Variants in FHIT observed in about 807,000 individuals in gnomAD.
The protein encoded by FHIT is bis(5'-adenosyl)-triphosphatase.
Under a neutral mutation model 17.9 loss-of-function variants are expected in FHIT, and 19 were observed. The observed-to-expected ratio is 1.06, with a 90% CI of 0.74 to 1.56. The LOEUF (loss-of-function observed/expected upper bound fraction) is 1.56, where lower values mean the gene tolerates loss of function less well. FHIT is among the 40% of genes most tolerant of loss of function. The pLI, the probability that FHIT is intolerant of heterozygous loss-of-function variation, is 0.00. For missense variants in FHIT, 248 were observed against 189.2 expected (o/e 1.31, Z -1.82); for synonymous variants, 81 against 69.7 (o/e 1.16, Z -0.81).
intron 5 of FHIT, among the ~76,000 whole-genome samples, chr3:60,143,556 C>T (rs1427109946): frequency 6.6e-6 from 1 of 152,028 alleles, no homozygotes; most frequent in African/African-American, 2.4e-5. Context: ...CACTAAGACA[C>T]AAGCAAAAAT....
chr3:61,161,904 G>A (rs1386374716), intron 2 of FHIT, among the ~76,000 whole-genome samples: 2 of 152,164 alleles, frequency 1.3e-5, no homozygotes, highest in Non-Finnish European at 2.9e-5. Flanking sequence ...ATACGACCCT[G>A]ATATGGAAAA....
intron 3 of FHIT, among the ~76,000 whole-genome samples, chr3:60,964,791 A>G (rs1460593161): frequency 6.6e-6 from 1 of 152,194 alleles, no homozygotes; most frequent in Non-Finnish European, 1.5e-5. Context: ...AGTTTCTGCC[A>G]AGAGATCTGT....
intron 5 of FHIT, among the ~76,000 whole-genome samples, chr3:60,140,900 A>G (rs1224433725): frequency 6.6e-6 from 1 of 152,098 alleles, no homozygotes; most frequent in Non-Finnish European, 1.5e-5. Context: ...GACTCTTAAC[A>G]ACACTGAGTA....
At chr3:61,125,135 G>T (rs1384125944) in intron 2 of FHIT, among the ~76,000 whole-genome samples, 1 of 152,146 alleles carries the variant, frequency 6.6e-6, no homozygotes, top group African/African-American at 2.4e-5. Flanking sequence ...TGAAAAAAAT[G>T]ATTCACGGAA....
intron 7 of FHIT, among the ~76,000 whole-genome samples, chr3:59,947,802 A>T (rs1003175792): frequency 3.9e-5 from 6 of 152,206 alleles, no homozygotes; most frequent in African/African-American, 1.4e-4. Context: ...TGGCAGCAGG[A>T]TCCATGCTTA....
intron 5 of FHIT, among the ~76,000 whole-genome samples, chr3:60,247,439 T>C (rs1233089100): frequency 6.6e-6 from 1 of 151,808 alleles, no homozygotes; most frequent in African/African-American, 2.4e-5. Context: ...AAGATGAAGA[T>C]GAAGATGAAG....
intron 5 of FHIT, among the ~76,000 whole-genome samples, chr3:60,104,999 G>T (rs995511946): frequency 1.3e-5 from 2 of 152,132 alleles, no homozygotes; most frequent in African/African-American, 4.8e-5. Flanking sequence ...CAACAATAAT[G>T]GAGCTCAATT....
chr3:60,983,427 C>A (rs1447601089), intron 3 of FHIT, among the ~76,000 whole-genome samples: 2 of 152,082 alleles, frequency 1.3e-5, no homozygotes, highest in African/African-American at 4.8e-5. Context: ...AATGACAGCT[C>A]CTTTGGACAA....
chr3:61,228,879 C>G (rs567936399), intron 1 of FHIT, among the ~76,000 whole-genome samples: 25 of 152,324 alleles, frequency 1.6e-4, no homozygotes, highest in Non-Finnish European at 2.2e-4. Context: ...TTCCGTTTTA[C>G]TGAGCACTTC....
chr3:61,238,972 G>A (rs903736798), intron 1 of FHIT, among the ~76,000 whole-genome samples: 1 of 152,214 alleles, frequency 6.6e-6, no homozygotes, highest in Non-Finnish European at 1.5e-5. Context: ...TGAAGGAAAT[G>A]AGAAGGAATT....
At chr3:60,532,696 T>G (rs192504707) in intron 5 of FHIT, among the ~76,000 whole-genome samples, 49 of 152,298 alleles carry the variant, frequency 3.2e-4, no homozygotes, top group Admixed American at 3.1e-3. Flanking sequence ...AACAGAAGCG[T>G]TTGCTTCAGG....
chr3:60,612,846 A>G (rs2038828447), intron 4 of FHIT, among the ~76,000 whole-genome samples: 1 of 152,160 alleles, frequency 6.6e-6, no homozygotes, highest in Non-Finnish European at 1.5e-5. Context: ...AATCCTTCCC[A>G]CTATGTCTAT....
intron 7 of FHIT, among the ~76,000 whole-genome samples, chr3:59,968,107 T>C (rs1465879961): frequency 1.3e-5 from 2 of 152,046 alleles, no homozygotes; most frequent in Non-Finnish European, 2.9e-5. Flanking sequence ...GGAACACTGA[T>C]GTAAAGAAAA....
At chr3:59,978,194 G>A (rs1427873042) in intron 7 of FHIT, among the ~76,000 whole-genome samples, 1 of 152,036 alleles carries the variant, frequency 6.6e-6, no homozygotes, top group African/African-American at 2.4e-5. Flanking sequence ...CAGTTGCATG[G>A]CTAATAACTT....
chr3:60,347,689 G>GGGGGTTGTTTTTTTTTTTT (rs1553750581), intron 5 of FHIT, among the ~76,000 whole-genome samples: 1 of 85,304 alleles, frequency 1.2e-5, no homozygotes, highest in Non-Finnish European at 2.4e-5. Context: ...GGGGGGGGGG[G>GGGGGTTGTTTTTTTTTTTT]TTTGTTTTTT....
chr3:60,873,037 T>C (rs1400014106), intron 3 of FHIT, among the ~76,000 whole-genome samples: 1 of 152,124 alleles, frequency 6.6e-6, no homozygotes, highest in African/African-American at 2.4e-5. Context: ...TCAAGGTCTC[T>C]GAATGATGAA....
At chr3:60,039,387 A>T (rs1446679167) in intron 5 of FHIT, among the ~76,000 whole-genome samples, 1 of 152,318 alleles carries the variant, frequency 6.6e-6, no homozygotes, top group South Asian at 2.1e-4. Flanking sequence ...AAGTAACCAA[A>T]CATAAAAAGT....
chr3:61,143,863 C>T (rs2037155329), intron 2 of FHIT, among the ~76,000 whole-genome samples: 1 of 152,074 alleles, frequency 6.6e-6, no homozygotes, highest in South Asian at 2.1e-4. Context: ...AAGACTCTGT[C>T]TAAAACAAAC....
At chr3:60,572,926 A>G (rs535844343) in intron 4 of FHIT, among the ~76,000 whole-genome samples, 5 of 152,302 alleles carry the variant, frequency 3.3e-5, no homozygotes, top group Admixed American at 6.5e-5. Flanking sequence ...AATGCTCAAC[A>G]TACAGCATTT....
Sources: allele counts gnomAD v4.1 joint callset (sites outside exome capture counted in the v4.1 genomes callset), GRCh38; gene constraint gnomAD v4.1.1; transcripts MANE v1.5; gene names NCBI Gene and HGNC (gene_info 2026-07-23, HGNC 2026-07-21).